POC1B: variants seen among roughly 807,000 people sequenced by gnomAD.
POC1B encodes POC1 centriolar protein homolog B.
In POC1B, 44 loss-of-function variants were observed where a neutral mutation model predicts 60.6. The ratio of observed to expected loss-of-function variants is 0.73; its 90% confidence interval spans 0.57 to 0.93. The LOEUF is 0.93. POC1B is among the 40% of genes least tolerant of loss of function. The pLI is 0.00. For missense variants in POC1B, 555 were observed against 572.3 expected, an observed-to-expected ratio of 0.97 and a Z score of 0.31; for synonymous variants, 180 against 198.9, an observed-to-expected ratio of 0.90 and a Z score of 0.80.
chr12:89,483,399 G>A (rs1429666505), intron 4 of POC1B, among the ~76,000 whole-genome samples: 1 of 152,076 alleles, frequency 6.6e-6, no homozygotes, highest in Non-Finnish European at 1.5e-5. Flanking sequence ...AAATTACCCA[G>A]TCTCAGGTAT....
chr12:89,446,788 T>C (rs1881810445), intron 10 of POC1B, among the ~76,000 whole-genome samples: 1 of 151,680 alleles, frequency 6.6e-6, no homozygotes. Context: ...AATTGCTGGA[T>C]GAAACAGCTA....
intron 10 of POC1B, among the ~76,000 whole-genome samples, chr12:89,449,257 A>C (rs1332707773): frequency 6.6e-6 from 1 of 152,174 alleles, no homozygotes; most frequent in Non-Finnish European, 1.5e-5. Flanking sequence ...TTTAAGGCTA[A>C]TTTGTGGAAT....
At chr12:89,502,434 C>A in intron 2 of POC1B, 1 of 1,312,758 alleles carries the variant, frequency 7.6e-7, no homozygotes, top group Non-Finnish European at 1.1e-6. Flanking sequence ...TATCTCCAGG[C>A]AAAATATCGT....
At chr12:89,489,199 G>A (rs1868814613) in intron 4 of POC1B, among the ~76,000 whole-genome samples, 1 of 152,192 alleles carries the variant, frequency 6.6e-6, no homozygotes, top group Admixed American at 6.5e-5. Context: ...TATGTGAGGT[G>A]CACCGTTCTA....
intron 10 of POC1B, chr12:89,427,837 A>G (rs1194886193): frequency 6.6e-6 from 1 of 152,262 alleles, no homozygotes; most frequent in Non-Finnish European, 1.5e-5. Flanking sequence ...GGCTCCTAAC[A>G]ATCACAGATT....
At chr12:89,507,673 A>G (rs1377868341) in intron 2 of POC1B, among the ~76,000 whole-genome samples, 3 of 152,252 alleles carry the variant, frequency 2.0e-5, no homozygotes, top group African/African-American at 7.2e-5. Flanking sequence ...AACAAAGCCC[A>G]TGCTTACCTA....
chr12:89,402,288 T>G, the POC1B span, among the ~76,000 whole-genome samples: 1 of 152,136 alleles, frequency 6.6e-6, no homozygotes, highest in Admixed American at 6.6e-5. Flanking sequence ...ATTAGATTAC[T>G]GCCTAATTCA....
intron 2 of POC1B, among the ~76,000 whole-genome samples, chr12:89,497,919 G>A (rs980795278): frequency 1.3e-5 from 2 of 152,080 alleles, no homozygotes; most frequent in African/African-American, 4.8e-5. Flanking sequence ...ATGAACACAC[G>A]TAAACCCACA....
intron 2 of POC1B, among the ~76,000 whole-genome samples, chr12:89,508,783 T>C (rs1019237161): frequency 6.6e-6 from 1 of 152,152 alleles, no homozygotes; most frequent in African/African-American, 2.4e-5. Context: ...ATCCGATGGT[T>C]TTATAAGGAG....
At chr12:89,499,593 A>G (rs1869441904) in intron 2 of POC1B, among the ~76,000 whole-genome samples, 1 of 151,634 alleles carries the variant, frequency 6.6e-6, no homozygotes, top group African/African-American at 2.4e-5. Flanking sequence ...GTTTAAGAAC[A>G]CTGCCACTTT....
At chr12:89,502,029 T>C in intron 2 of POC1B, 1 of 989,818 alleles carries the variant, frequency 1.0e-6, no homozygotes, top group Non-Finnish European at 1.6e-6. Context: ...GCTCAAAGAA[T>C]GAAGATAATA....
intron 9 of POC1B, chr12:89,461,452 G>A (rs2120811425): frequency 6.6e-6 from 1 of 152,368 alleles, no homozygotes; most frequent in Non-Finnish European, 1.5e-5. Context: ...GGAAGGCACA[G>A]AAAGTTGGAA....
intron 10 of POC1B, among the ~76,000 whole-genome samples, chr12:89,435,825 CT>C (rs1297874457): frequency 1.3e-5 from 2 of 151,928 alleles, no homozygotes; most frequent in Admixed American, 6.6e-5. Flanking sequence ...GAGCTAGATT[CT>C]TTTACTTTAT....
chr12:89,501,838 A>C lies in POC1B; in HGVS notation c.101-4496T>G, dbSNP rs192243535. On this transcript the variant is annotated intron_variant, in intron 2 of 11. Transcript: ENST00000313546. The stretch of plus-strand genomic sequence containing the variant: ...TATTGGGAAAAAAACTATTCCACTT[A>C]AAAGGCAGAAGACAGCAACTAAAGA... The C allele has an allele frequency of 1.1e-4, 135 of 1,202,876 alleles. No individual in the cohort carries two copies. In the East Asian group the frequency reaches 3.0e-3, roughly 26 times the overall value. The allele number at this position is 1,202,876 out of a possible 1,614,324, so 74.5% of individuals were successfully genotyped here.
rs542048613 is a variant in POC1B, at chr12:89,444,734, T to C, written c.1113+14904A>G. Among the ~76,000 whole-genome samples, 8 of 152,196 alleles carry C rather than the reference T, an allele frequency of 5.3e-5. No individual in the cohort carries two copies. The East Asian group carries it at 1.4e-3, about 26-fold the overall frequency. On this transcript the variant is annotated intron_variant, in intron 10 of 11. Transcript: ENST00000313546. ...CCTCTCTCACCACTCCAATTGAACATAGTGTTGGAAGTTCTGGCCAGGTCA... is the reference window on the plus strand; with the variant it reads ...CCTCTCTCACCACTCCAATTGAACACAGTGTTGGAAGTTCTGGCCAGGTCA...
chr12:89,475,485 G>A (rs1412060489), intron 4 of POC1B, among the ~76,000 whole-genome samples: 1 of 152,060 alleles, frequency 6.6e-6, no homozygotes, highest in Non-Finnish European at 1.5e-5. Context: ...CATTTGAGGT[G>A]GCTGAAAGTG....
intron 10 of POC1B, among the ~76,000 whole-genome samples, chr12:89,437,763 A>C (rs1005543176): frequency 1.3e-5 from 2 of 152,136 alleles, no homozygotes; most frequent in East Asian, 3.8e-4. Flanking sequence ...GATTTTAAAA[A>C]TTGGCCAGGT....
intron 2 of POC1B, among the ~76,000 whole-genome samples, chr12:89,513,314 C>G (rs1316092205): frequency 2.1e-5 from 3 of 143,094 alleles, no homozygotes; most frequent in Non-Finnish European, 3.0e-5. Flanking sequence ...GGGAAAGTAA[C>G]TAAAAAGTTC....
rs953410253 is a variant in POC1B at position 89,420,908 on chromosome 12, A to T, written c.*245T>A. The T allele has an allele frequency of 4.0e-5, 15 of 373,334 alleles. No individual in the cohort carries two copies. The highest frequency in any genetic ancestry group is 5.8e-5 in the Non-Finnish European group (12 of 206,656). The allele number at this position is 373,334 out of a possible 1,614,324, so 23.1% of individuals were successfully genotyped here. ...AAAATACAGAGTTGCTTGAATGCTT[A>T]TCACTTTATTACTGCAATCATAAAT... On this transcript the variant is annotated 3_prime_UTR_variant, in exon 12 of 12. Transcript: ENST00000313546.
Sources: allele counts gnomAD v4.1 joint callset (sites outside exome capture counted in the v4.1 genomes callset), GRCh38; gene constraint gnomAD v4.1.1; transcripts MANE v1.5; gene names NCBI Gene and HGNC (gene_info 2026-07-23, HGNC 2026-07-21).